The following GRID2 variants were observed in gnomAD, a reference collection of about 807,000 sequenced individuals.
GRID2 encodes glutamate ionotropic receptor delta type subunit 2, also known as glutamate receptor ionotropic, delta-2.
GRID2 carries 33 observed loss-of-function variants against 114.8 expected under a neutral mutation model. The ratio of observed to expected loss-of-function variants is 0.29; its 90% CI spans 0.22 to 0.38. GRID2 has a LOEUF of 0.38. GRID2 is among the 10% of genes least tolerant of loss of function. The pLI, the probability that GRID2 is intolerant of heterozygous loss-of-function variation, is 1.00. For missense variants in GRID2, 1,184 were observed against 1,257.7 expected (o/e 0.94, Z 0.89); for synonymous variants, 505 against 449.9 (o/e 1.12, Z -1.55).
At chr4:93,424,487 A>G (rs1242304779) in intron 10 of GRID2, among the ~76,000 whole-genome samples, 2 of 152,000 alleles carry the variant, frequency 1.3e-5, no homozygotes, top group Non-Finnish European at 2.9e-5. Flanking sequence ...AATGTTCATC[A>G]TTTTAAAGTT....
At chr4:93,081,760 A>G (rs545122861) in intron 2 of GRID2, among the ~76,000 whole-genome samples, 2 of 152,348 alleles carry the variant, frequency 1.3e-5, no homozygotes, top group African/African-American at 4.8e-5. Flanking sequence ...GTTGATAAAT[A>G]CACGTTCTGA....
chr4:93,772,043 T>G, intron 15 of GRID2, 33 bp from the exon 16 acceptor site: 46 of 1,388,296 alleles, frequency 3.3e-5, no homozygotes, highest in Non-Finnish European at 4.5e-5. Context: ...CTAGTACTGA[T>G]GAGAACCTTA....
intron 2 of GRID2, among the ~76,000 whole-genome samples, chr4:92,883,860 T>C (rs1397255686): frequency 6.6e-6 from 1 of 152,176 alleles, no homozygotes; most frequent in Non-Finnish European, 1.5e-5. Flanking sequence ...GAAGAATAGG[T>C]TAGTATAAAT....
intron 2 of GRID2, among the ~76,000 whole-genome samples, chr4:92,745,072 G>A (rs1441487225): frequency 6.6e-6 from 1 of 152,168 alleles, no homozygotes; most frequent in Non-Finnish European, 1.5e-5. Flanking sequence ...TGTCACATGA[G>A]AGATTAATCT....
At chr4:92,894,134 C>G (rs552898318) in intron 2 of GRID2, among the ~76,000 whole-genome samples, 31 of 152,250 alleles carry the variant, frequency 2.0e-4, no homozygotes, top group African/African-American at 7.5e-4. Flanking sequence ...CAAAAACATA[C>G]ATTATATTTT....
chr4:93,579,876 A>G (rs1428243266), intron 13 of GRID2, among the ~76,000 whole-genome samples: 1 of 152,156 alleles, frequency 6.6e-6, no homozygotes, highest in Non-Finnish European at 1.5e-5. Flanking sequence ...TTATCCAACC[A>G]AAGACTGAGT....
chr4:93,220,419 T>G (rs534128672), intron 6 of GRID2, among the ~76,000 whole-genome samples: 1 of 152,124 alleles, frequency 6.6e-6, no homozygotes, highest in Non-Finnish European at 1.5e-5. Context: ...CAGAAGATAG[T>G]GAACACTCTG....
At chr4:93,546,127 T>C (rs1000615058) in intron 13 of GRID2, among the ~76,000 whole-genome samples, 2 of 152,154 alleles carry the variant, frequency 1.3e-5, no homozygotes, top group Non-Finnish European at 2.9e-5. Flanking sequence ...ATATGAAGAA[T>C]GATGCAAAAT....
At chr4:93,664,938 G>A (rs1458609059) in intron 14 of GRID2, among the ~76,000 whole-genome samples, 1 of 152,150 alleles carries the variant, frequency 6.6e-6, no homozygotes, top group East Asian at 1.9e-4. Flanking sequence ...TTAAGTAAGT[G>A]ATTAGTAATT....
intron 1 of GRID2, among the ~76,000 whole-genome samples, chr4:92,485,336 A>G (rs1560662939): frequency 9.1e-5 from 9 of 98,544 alleles, no homozygotes; most frequent in African/African-American, 3.4e-4. Context: ...ATATATATAT[A>G]TATATATATA....
chr4:92,405,011 C>T (rs1730957834), intron 1 of GRID2, among the ~76,000 whole-genome samples: 1 of 152,070 alleles, frequency 6.6e-6, no homozygotes, highest in Non-Finnish European at 1.5e-5. Flanking sequence ...GCACATCCTG[C>T]AAATTTATCC....
intron 8 of GRID2, among the ~76,000 whole-genome samples, chr4:93,327,474 A>T (rs1757957680): frequency 6.6e-6 from 1 of 152,020 alleles, no homozygotes; most frequent in African/African-American, 2.4e-5. Flanking sequence ...GTTCTATCTT[A>T]AGTAGAATCA....
At chr4:92,531,761 A>C (rs1382384150) in intron 1 of GRID2, among the ~76,000 whole-genome samples, 1 of 151,438 alleles carries the variant, frequency 6.6e-6, no homozygotes, top group East Asian at 1.9e-4. Context: ...TAGCTATGAC[A>C]GATTTTCCTT....
intron 1 of GRID2, among the ~76,000 whole-genome samples, chr4:92,415,726 G>T (rs7434633): frequency 1.1e-5 from 1 of 92,466 alleles, no homozygotes; most frequent in Non-Finnish European, 2.1e-5. Flanking sequence ...GTGTGTGTGT[G>T]TGTGTGTATG....
chr4:93,340,240 CTTTT>C (rs33924908), intron 8 of GRID2, among the ~76,000 whole-genome samples: 11 of 139,778 alleles, frequency 7.9e-5, no homozygotes, highest in Admixed American at 2.9e-4. Context: ...TATCTCCTCT[CTTTT>C]TTTTTTTTTT....
intron 1 of GRID2, among the ~76,000 whole-genome samples, chr4:92,563,270 T>G (rs1230092910): frequency 6.6e-6 from 1 of 152,178 alleles, no homozygotes; most frequent in Non-Finnish European, 1.5e-5. Context: ...AGGAATGGAA[T>G]GAGTTCTCTA....
At chr4:92,586,727 G>A (rs1274787233) in intron 1 of GRID2, among the ~76,000 whole-genome samples, 1 of 151,624 alleles carries the variant, frequency 6.6e-6, no homozygotes, top group African/African-American at 2.4e-5. Flanking sequence ...TCTAAATTTG[G>A]TATTTTTTTC....
chr4:93,635,541 G>A (rs909239550), intron 14 of GRID2, among the ~76,000 whole-genome samples: 3 of 151,836 alleles, frequency 2.0e-5, no homozygotes, highest in Non-Finnish European at 4.4e-5. Context: ...CCATACAAAG[G>A]AATATGCTAT....
rs564162967 is a variant in GRID2 at position 93,633,682 on chromosome 4, A to G, written c.2360+7247A>G. Among the ~76,000 whole-genome samples the G allele has an allele frequency of 3.3e-5, 5 of 152,132 alleles. 1 individual carries two copies. The highest frequency in any genetic ancestry group is 1.2e-4 in the African/African-American group (5 of 41,504). ...CTTGGTTTCTATAATTTTTCATCCAACCAATAAAAAAGCTAAGAAAAAAAA... is the reference window on the plus strand; with the variant it reads ...CTTGGTTTCTATAATTTTTCATCCAGCCAATAAAAAAGCTAAGAAAAAAAA... On this transcript the variant is annotated intron_variant, in intron 14 of 15. Transcript: ENST00000282020.
Sources: gnomAD v4.1 joint callset for allele counts (sites outside exome capture counted in the v4.1 genomes callset) on GRCh38, gnomAD v4.1.1 for gene constraint, MANE v1.5 for transcripts, NCBI Gene and HGNC (gene_info 2026-07-23, HGNC 2026-07-21) for gene names.